CR2: variants seen among roughly 807,000 people sequenced by gnomAD.
CR2 encodes the protein complement C3d receptor 2, also known as complement receptor type 2.
A neutral mutation model predicts 123.0 loss-of-function variants in CR2; 96 were observed. That is an observed-to-expected ratio of 0.78 (90% CI 0.66 to 0.93). The LOEUF (loss-of-function observed/expected upper bound fraction) is 0.93. Among genes scored for constraint, CR2 ranks in the 40% least tolerant of loss-of-function variants. CR2 has a pLI of 0.00. For missense variants in CR2, 1,258 were observed against 1,361.0 expected (o/e 0.92, Z 1.19); for synonymous variants, 484 against 469.5 (o/e 1.03, Z -0.40).
chr1:207,473,128 C>T lies in CR2; in HGVS notation c.1927C>T (p.Arg643Cys), dbSNP rs1472639999. 2 of 1,613,718 alleles carry T rather than the reference C, an allele frequency of 1.2e-6. No homozygotes were observed. The highest frequency in any genetic ancestry group is 8.5e-7 in the Non-Finnish European group (1 of 1,179,884). ...GFTLKGSSQIRCKADNTWDPE... is the reference protein window; with the variant it reads ...GFTLKGSSQICCKADNTWDPE... ...TACTTTGAAGGGCAGTAGTCAGATT[C>T]GTTGCAAAGCTGATAACACCTGGGA... Residue 643 changes from arginine to cysteine, a missense_variant, in exon 10 of 20, where the codon CGT becomes TGT. By Grantham distance (180) the Arg-to-Cys change is radical. Coordinates refer to ENST00000367057, the MANE Select transcript of CR2 (RefSeq NM_001006658.3).
intron 18 of CR2, among the ~76,000 whole-genome samples, chr1:207,483,878 A>AG (rs1038851738): frequency 6.6e-6 from 1 of 152,196 alleles, no homozygotes; most frequent in Non-Finnish European, 1.5e-5. Context: ...CAAAAAGAAC[A>AG]GAACAGATAA....
At chr1:207,462,662 C>T (rs1657995977) in intron 1 of CR2, among the ~76,000 whole-genome samples, 1 of 152,106 alleles carries the variant, frequency 6.6e-6, no homozygotes, top group South Asian at 2.1e-4. Context: ...CAATGAGAGA[C>T]TACTGCAATG....
At chr1:207,479,160 G>C in intron 16 of CR2, 97 bp from the exon 17 acceptor site, 2 of 929,422 alleles carry the variant, frequency 2.2e-6, no homozygotes, top group South Asian at 2.6e-5. Context: ...AAGGGAGCTA[G>C]AGTGTTGATT....
At chr1:207,474,678 A>C (rs1258603756) in intron 13 of CR2, 146 bp from the exon 14 acceptor site, 12 of 888,996 alleles carry the variant, frequency 1.3e-5, no homozygotes, top group East Asian at 2.5e-5. Flanking sequence ...GCTGTTTTTA[A>C]AAAAAGCATA....
chr1:207,462,015 A>G (rs1572947626), intron 1 of CR2, among the ~76,000 whole-genome samples: 1 of 152,134 alleles, frequency 6.6e-6, no homozygotes, highest in African/African-American at 2.4e-5. Flanking sequence ...TATGACTTTG[A>G]TCTATGGTAT....
At chr1:207,484,274 C>T (rs1024571852) in intron 18 of CR2, among the ~76,000 whole-genome samples, 1 of 152,184 alleles carries the variant, frequency 6.6e-6, no homozygotes, top group African/African-American at 2.4e-5. Context: ...TACTTAAGTG[C>T]CTCAACTGAT....
chr1:207,469,111 A>G, intron 4 of CR2, 39 bp from the exon 5 acceptor site: 1 of 1,561,490 alleles, frequency 6.4e-7, no homozygotes, highest in Non-Finnish European at 8.8e-7. Flanking sequence ...TTCAGCACAA[A>G]CTGCCTAATA....
chr1:207,471,386 C>T (rs368256473), intron 8 of CR2, 37 bp from the exon 9 acceptor site: 1 of 1,510,818 alleles, frequency 6.6e-7, no homozygotes, highest in African/African-American at 1.4e-5. Flanking sequence ...TTAATGGTCA[C>T]CTGATGGCAA....
At chr1:207,456,572 A>G (rs1377009966) in intron 1 of CR2, among the ~76,000 whole-genome samples, 1 of 152,232 alleles carries the variant, frequency 6.6e-6, no homozygotes, top group African/African-American at 2.4e-5. Flanking sequence ...ATTTGCATAA[A>G]CAGTTTCAAA....
At chr1:207,470,715 GT>G in intron 6 of CR2, 24 bp from the exon 7 acceptor site, 4 of 1,611,570 alleles carry the variant, frequency 2.5e-6, no homozygotes, top group Non-Finnish European at 3.4e-6. Flanking sequence ...AAGCAGTTAT[GT>G]TTTGTTTTTG....
chr1:207,466,764 A>T lies in CR2; in HGVS notation c.297A>T (p.Gly99=). The change falls in exon 2 of 20, where the codon GGA becomes GGT. Residue 99 remains glycine (G), a synonymous_variant. Coordinates refer to ENST00000367057, the MANE Select transcript of CR2 (RefSeq NM_001006658.3). ...SSCPEPIVPG[G]YKIRGSTPYR... Reference sequence around the variant, plus strand: ...GCCCTGAGCCCATAGTACCAGGAGGATACAAAATTAGAGGCTCTACACCCT... The same window carrying T: ...GCCCTGAGCCCATAGTACCAGGAGGTTACAAAATTAGAGGCTCTACACCCT... 1 of 1,614,130 alleles carries T rather than the reference A, an allele frequency of 6.2e-7. No homozygotes were observed. Among genetic ancestry groups the T allele is most frequent in the Non-Finnish European group, 8.5e-7 (1 of 1,180,008 alleles).
Position 207,470,899 on chromosome 1 carries a change from C to T in CR2, c.1385C>T (p.Pro462Leu), listed in dbSNP as rs1377798313. 3.7e-6 allele frequency: 6 copies of T among 1,613,736 alleles called. No individual in the cohort carries two copies. In the East Asian group the frequency reaches 1.3e-4, roughly 36 times the overall value. ...QCTSEGVWTP[P>L]VPQCKVAACE... ...ACCTCTGAGGGGGTGTGGACACCCC[C>T]TGTACCCCAATGCAAAGGTGCCAGG... Residue 462 changes from proline (P) to leucine (L), a missense_variant, in exon 7 of 20, where the codon CCT (proline) becomes CTT (leucine). Physicochemically the swap from Pro to Leu is moderately conservative, Grantham distance 98 (BLOSUM62 -3). Coordinates refer to ENST00000367057, the MANE Select transcript of CR2 (RefSeq NM_001006658.3).
chr1:207,489,322 C>T lies in CR2; in HGVS notation c.*199C>T, dbSNP rs1658827064. The T allele has an allele frequency of 6.6e-6, 1 of 152,194 alleles. No homozygotes were observed. 9.4% of individuals were successfully genotyped at this position (152,194 alleles called of 1,614,324 possible). A position where few individuals can be genotyped will look rare whatever the true frequency, so the allele number is the denominator to read the frequency against. ...AAAGATGGGAGCCCAGTTTCACTGC[C>T]ATATACTCTTCAAGGACTTTCTGAA... is the stretch of plus-strand genomic sequence containing the variant. On this transcript the variant is annotated 3_prime_UTR_variant, in exon 20 of 20. Coordinates refer to ENST00000367057, the MANE Select transcript of CR2 (RefSeq NM_001006658.3).
chr1:207,486,157 G>A (rs1264404819), intron 19 of CR2, among the ~76,000 whole-genome samples: 2 of 149,282 alleles, frequency 1.3e-5, no homozygotes, highest in Non-Finnish European at 3.0e-5. Flanking sequence ...CTTGAGCCTA[G>A]GAGGCGGAGG....
In CR2 at chr1:207,454,337, C is replaced by T; in HGVS notation, c.-82C>T. 2.4e-6 allele frequency: 3 copies of T among 1,233,762 alleles called. No homozygotes were observed. The highest frequency in any genetic ancestry group is 1.3e-5 in the South Asian group (1 of 78,016). The allele number at this position is 1,233,762 out of a possible 1,614,324, so 76.4% of individuals were successfully genotyped here. A position where few individuals can be genotyped will look rare whatever the true frequency, so the allele number is the denominator to read the frequency against. ...GCCTCTCCTGGCTCACAGCTGCTTG[C>T]TGCTCCAGCCTTGCCCTCCCAGAGC... is the stretch of plus-strand genomic sequence containing the variant. On this transcript the variant is annotated 5_prime_UTR_variant, in exon 1 of 20. Coordinates refer to ENST00000367057, the MANE Select transcript of CR2 (RefSeq NM_001006658.3). This position sits in a 1 kb window ranked among gnomAD's most constrained non-coding sequence, Gnocchi z 4.3.
intron 14 of CR2, among the ~76,000 whole-genome samples, chr1:207,475,788 C>A (rs1417781931): frequency 6.6e-6 from 1 of 152,180 alleles, no homozygotes; most frequent in African/African-American, 2.4e-5. Context: ...TTGCGAGCCA[C>A]AAGACCCCCT....
Position 207,489,892 on chromosome 1 carries a change from A to T in CR2, c.*769A>T, listed in dbSNP as rs1016652206. 7.7e-5 allele frequency: 10 copies of T among 130,238 alleles called. No homozygotes were observed. The highest frequency in any genetic ancestry group is 2.8e-4 in the African/African-American group (10 of 35,770). The allele number at this position is 130,238 out of a possible 1,614,324, so 8.1% of individuals were successfully genotyped here. ...TAAATTGTAATTGTAAAGAAAACATACAACACTTGCCTTATTTTGTTTTTT... is the reference window on the plus strand; with the variant it reads ...TAAATTGTAATTGTAAAGAAAACATTCAACACTTGCCTTATTTTGTTTTTT... On this transcript the variant is annotated 3_prime_UTR_variant, in exon 20 of 20. Transcript: ENST00000367057.
At chr1:207,479,060 G>A (rs1306391881) in intron 16 of CR2, among the ~76,000 whole-genome samples, 197 bp from the exon 17 acceptor site, 1 of 152,126 alleles carries the variant, frequency 6.6e-6, no homozygotes. Context: ...CTGAGCTCAA[G>A]TGATCTTCCC....
At chr1:207,479,617 G>A (rs1189312727) in intron 17 of CR2, among the ~76,000 whole-genome samples, 1 of 152,174 alleles carries the variant, frequency 6.6e-6, no homozygotes, top group Non-Finnish European at 1.5e-5. Flanking sequence ...TAAATGTTAT[G>A]CAAAATTATA....
Sources: allele counts gnomAD v4.1 joint callset (sites outside exome capture counted in the v4.1 genomes callset), GRCh38; gene constraint gnomAD v4.1.1; non-coding constraint Gnocchi (gnomAD v3.1); transcripts MANE v1.5; gene names NCBI Gene and HGNC (gene_info 2026-07-23, HGNC 2026-07-21).